Variants in WDPCP observed in about 807,000 individuals in gnomAD.
WDPCP encodes the protein WD repeat-containing and planar cell polarity effector protein fritz homolog.
WDPCP carries 71 observed loss-of-function variants against 93.1 expected under a neutral mutation model. The ratio of observed to expected loss-of-function variants is 0.76; its 90% CI spans 0.63 to 0.93. WDPCP has a LOEUF of 0.93. Ranked by LOEUF, WDPCP falls within the 40% of genes least tolerant of loss-of-function variation. The pLI is 0.00. For synonymous variants in WDPCP, 315 were observed against 315.0 expected, an observed-to-expected ratio of 1.00 and a Z score of 0.00; for missense variants, 844 against 887.4, an observed-to-expected ratio of 0.95 and a Z score of 0.62.
chr2:63,436,148 T>C (rs1305813087), intron 8 of WDPCP, among the ~76,000 whole-genome samples: 3 of 152,106 alleles, frequency 2.0e-5, no homozygotes, highest in Non-Finnish European at 4.4e-5. Context: ...TAAAGACCGA[T>C]CAATTTTAGT....
chr2:63,515,609 T>C (rs1286041878), intron 1 of WDPCP, among the ~76,000 whole-genome samples: 2 of 152,178 alleles, frequency 1.3e-5, no homozygotes, highest in Admixed American at 6.5e-5. Flanking sequence ...ATTTGGAAAA[T>C]CGCCAAAACT....
At chr2:63,533,968 G>C (rs988519624) in intron 1 of WDPCP, among the ~76,000 whole-genome samples, 2 of 151,642 alleles carry the variant, frequency 1.3e-5, no homozygotes, top group Non-Finnish European at 2.9e-5. Context: ...CTGCTAGCAA[G>C]ACTAAAAAAG....
intron 2 of WDPCP, among the ~76,000 whole-genome samples, chr2:63,765,467 C>A (rs1046010117): frequency 2.6e-5 from 4 of 152,170 alleles, no homozygotes; most frequent in Admixed American, 6.5e-5. Flanking sequence ...CAGCCACAGG[C>A]AGGGCAGAGA....
intron 1 of WDPCP, among the ~76,000 whole-genome samples, chr2:63,538,761 G>A (rs1193373404): frequency 6.6e-6 from 1 of 152,086 alleles, no homozygotes; most frequent in Admixed American, 6.6e-5. Context: ...GAACTCAGCA[G>A]TTATAAAGAC....
At chr2:63,437,927 T>C (rs764128666) in intron 7 of WDPCP, 21 of 1,561,740 alleles carry the variant, frequency 1.3e-5, no homozygotes, top group Admixed American at 5.5e-5. Context: ...GTTTACATGA[T>C]AGAAACCATC....
At chr2:63,158,448 T>G (rs1672415746) in intron 15 of WDPCP, among the ~76,000 whole-genome samples, 1 of 152,204 alleles carries the variant, frequency 6.6e-6, no homozygotes, top group Non-Finnish European at 1.5e-5. Flanking sequence ...TCTTGATAAA[T>G]TGGCTCTTTT....
chr2:63,717,378 G>A (rs1669354164), intron 2 of WDPCP: 1 of 451,572 alleles, frequency 2.2e-6, no homozygotes, highest in South Asian at 1.8e-5. Flanking sequence ...GTCAGTTCTT[G>A]ATCCTGATGA....
chr2:63,429,976 TACACACACACACACAC>T (rs199517613), intron 9 of WDPCP, among the ~76,000 whole-genome samples: 2,323 of 137,452 alleles, frequency 0.017, 64 homozygotes, highest in African/African-American at 0.058. Context: ...GAAAATGTTA[TACACACACACACACAC>T]ACACACACAC....
chr2:63,529,455 T>G (rs1249777173), intron 1 of WDPCP, among the ~76,000 whole-genome samples: 1 of 152,238 alleles, frequency 6.6e-6, no homozygotes. Context: ...AGGCCTTTTC[T>G]GCATCTATTG....
At chr2:63,354,712 GTA>G (rs947633235) in intron 12 of WDPCP, among the ~76,000 whole-genome samples, 5 of 140,618 alleles carry the variant, frequency 3.6e-5, no homozygotes, top group African/African-American at 7.9e-5. Context: ...ATGTATATAT[GTA>G]TGTGTGTGTG....
At chr2:63,131,721 C>G (rs1670304735) in intron 17 of WDPCP, among the ~76,000 whole-genome samples, 1 of 151,802 alleles carries the variant, frequency 6.6e-6, no homozygotes, top group South Asian at 2.1e-4. Context: ...TTTGAAGGAC[C>G]CTCTTTAGCA....
intron 3 of WDPCP, among the ~76,000 whole-genome samples, chr2:63,633,332 T>C (rs930235768): frequency 1.3e-5 from 2 of 152,206 alleles, no homozygotes; most frequent in African/African-American, 4.8e-5. Context: ...CAGAATGTGC[T>C]AATTATTGTA....
At chr2:63,633,944 C>G (rs187742240) in intron 3 of WDPCP, among the ~76,000 whole-genome samples, 57 of 152,180 alleles carry the variant, frequency 3.7e-4, no homozygotes, top group Middle Eastern at 6.8e-3. Context: ...TGCCTGTAAT[C>G]CCAGCTACTC....
At chr2:63,253,264 C>T (rs1680888881) in intron 14 of WDPCP, among the ~76,000 whole-genome samples, 1 of 152,048 alleles carries the variant, frequency 6.6e-6, no homozygotes, top group Admixed American at 6.5e-5. Context: ...AATGTATGAC[C>T]TCATACCATA....
chr2:63,688,357 G>A (rs145240901), intron 2 of WDPCP, among the ~76,000 whole-genome samples: 2,382 of 152,014 alleles, frequency 0.016, 130 homozygotes, highest in East Asian at 0.13. Flanking sequence ...AACCTGGGAG[G>A]CGGAGCTCGC....
chr2:63,315,571 A>G (rs368425931), intron 12 of WDPCP, among the ~76,000 whole-genome samples: 2 of 152,186 alleles, frequency 1.3e-5, no homozygotes, highest in Non-Finnish European at 2.9e-5. Context: ...TTAGATCTCC[A>G]TGGATTTCAA....
At chr2:63,795,490 A>G (rs1186828828) in intron 2 of WDPCP, among the ~76,000 whole-genome samples, 1 of 150,966 alleles carries the variant, frequency 6.6e-6, no homozygotes, top group Admixed American at 6.6e-5. Context: ...ACATAGTGAG[A>G]CCCTGTCTCA....
chr2:63,718,171 C>T (rs1669365179), intron 2 of WDPCP, among the ~76,000 whole-genome samples: 1 of 151,964 alleles, frequency 6.6e-6, no homozygotes, highest in Admixed American at 6.5e-5. Flanking sequence ...ATGGACACTA[C>T]TTAGGTTGAT....
At chr2:63,601,007 A>C (rs1255523996) in intron 3 of WDPCP, among the ~76,000 whole-genome samples, 1 of 152,218 alleles carries the variant, frequency 6.6e-6, no homozygotes, top group African/African-American at 2.4e-5. Context: ...AAGGTACTTC[A>C]AAGAGATACT....
Sources: allele counts gnomAD v4.1 joint callset (sites outside exome capture counted in the v4.1 genomes callset), GRCh38; gene constraint gnomAD v4.1.1; transcripts MANE v1.5; gene names NCBI Gene and HGNC (gene_info 2026-07-23, HGNC 2026-07-21).